LATS2: variants seen among roughly 807,000 people sequenced by gnomAD.
LATS2 encodes serine/threonine-protein kinase LATS2.
LATS2 carries 24 observed loss-of-function variants against 76.0 expected under a neutral mutation model. The observed-to-expected ratio is 0.32, with a 90% confidence interval of 0.23 to 0.44. The LOEUF is 0.44. Among genes scored for constraint, LATS2 ranks in the 20% least tolerant of loss-of-function variants. The probability of loss-of-function intolerance (pLI) is 1.00; values close to 1 mark genes in which losing one functional copy is unlikely to be tolerated. For synonymous variants in LATS2, 692 were observed against 635.4 expected, an observed-to-expected ratio of 1.09 and a Z score of -1.34; for missense variants, 1,286 against 1,481.2, an observed-to-expected ratio of 0.87 and a Z score of 2.16.
At position 20,974,676 on chromosome 13, in the gene LATS2, G is replaced by GA; in HGVS notation, c.*193dup. The GA allele has an allele frequency of 5.1e-6, 3 of 587,768 alleles. No individual in the cohort carries two copies. Among genetic ancestry groups the GA allele is most frequent in the Non-Finnish European group, 8.8e-6 (3 of 340,886 alleles). 36.4% of individuals were successfully genotyped at this position (587,768 alleles called of 1,614,324 possible). ...CAGTGAAGGTCCTGAAAAGCCTATT[G>GA]AAAGCGATGCTGAGTCCTGTTTTCA... On this transcript the variant is annotated 3_prime_UTR_variant, in exon 8 of 8. Transcript: ENST00000382592.
intron 2 of LATS2, among the ~76,000 whole-genome samples, chr13:20,998,690 G>A (rs150046964): frequency 0.023 from 3,544 of 152,348 alleles, 54 homozygotes; most frequent in East Asian, 0.064. Flanking sequence ...TCCCCTGAGC[G>A]CGGCGCTCCC....
At chr13:21,007,587 A>ATATAGT (rs1565951976) in intron 2 of LATS2, among the ~76,000 whole-genome samples, 4 of 7,748 alleles carry the variant, frequency 5.2e-4, no homozygotes, top group South Asian at 5.6e-3. Flanking sequence ...ATATATATAT[A>ATATAGT]GTATATATAT....
chr13:21,018,716 C>T (rs992132261), intron 2 of LATS2, among the ~76,000 whole-genome samples: 13 of 152,176 alleles, frequency 8.5e-5, no homozygotes, highest in Non-Finnish European at 1.8e-4. Flanking sequence ...TGCAGTGGCT[C>T]GATCACGGCT....
Position 21,057,941 on chromosome 13 carries a change from G to A in LATS2, c.-205+3405C>T, listed in dbSNP as rs1046079996. 2.6e-5 allele frequency among the ~76,000 whole-genome samples: 4 copies of A among 152,226 alleles called. No individual in the cohort carries two copies. In the East Asian group the frequency reaches 7.7e-4, roughly 29 times the overall value. On this transcript the variant is annotated intron_variant, in intron 1 of 7. Coordinates refer to ENST00000382592, the MANE Select transcript of LATS2 (RefSeq NM_014572.3). ...CTGGGGCCATCACAGGGCACTCTAT[G>A]TAATAAAGCCCATTACAGAGAGCAG...
At chr13:21,044,033 A>G (rs964309482) in intron 2 of LATS2, among the ~76,000 whole-genome samples, 2 of 152,226 alleles carry the variant, frequency 1.3e-5, no homozygotes, top group African/African-American at 4.8e-5. Flanking sequence ...ATTTAACTTC[A>G]TGCTTTCACA....
At chr13:21,024,032 G>A (rs946972614) in intron 2 of LATS2, among the ~76,000 whole-genome samples, 2 of 148,610 alleles carry the variant, frequency 1.3e-5, no homozygotes. Flanking sequence ...AGGCATCCTC[G>A]GGAAGGGCCC....
In LATS2 at chr13:20,975,057, G is replaced by A. The variant is rs376701545; in HGVS notation, c.3080C>T (p.Ser1027Leu). Residue 1027 changes from serine to leucine, a missense_variant, in exon 8 of 8, where the codon TCG becomes TTG. Ser to Leu is a moderately radical substitution (Grantham distance 145). This residue lies in a region of LATS2 where 210 missense variants were observed against 234.9 expected (regional missense o/e 0.89). Coordinates refer to ENST00000382592, the MANE Select transcript of LATS2 (RefSeq NM_014572.3). ...GTGCTCAGGATGCTTGTTATTGGGC[G>A]AGGTGAGTGTGTCCCAGGCCTTGGT... ...GSTKAWDTLT[S>L]PNNKHPEHAF... is the part of the protein sequence containing the mutation. The A allele has an allele frequency of 5.0e-6, 8 of 1,614,120 alleles. No homozygotes were observed. The highest frequency in any genetic ancestry group is 2.2e-5 in the East Asian group (1 of 44,898).
At chr13:20,980,137 T>C (rs1228693939) in intron 6 of LATS2, among the ~76,000 whole-genome samples, 2 of 152,176 alleles carry the variant, frequency 1.3e-5, no homozygotes, top group African/African-American at 2.4e-5. Flanking sequence ...ATAACAGAAC[T>C]GAAAAACATA....
chr13:21,019,811 T>C (rs895719924), intron 2 of LATS2, among the ~76,000 whole-genome samples: 3 of 150,380 alleles, frequency 2.0e-5, no homozygotes, highest in African/African-American at 7.3e-5. Flanking sequence ...CCATCTCTAC[T>C]AAAAATACAA....
intron 7 of LATS2, among the ~76,000 whole-genome samples, chr13:20,975,823 AC>A (rs1321735339): frequency 6.6e-6 from 1 of 152,084 alleles, no homozygotes; most frequent in East Asian, 1.9e-4. Context: ...AGCTGGGATT[AC>A]AGGCGCCTGC....
chr13:21,006,207 G>GA (rs34939626), intron 2 of LATS2, among the ~76,000 whole-genome samples: 20,251 of 143,352 alleles, frequency 0.14, 2,349 homozygotes, highest in East Asian at 0.45. Context: ...CATGTGTGAG[G>GA]AAAAAAAAAA....
intron 2 of LATS2, among the ~76,000 whole-genome samples, chr13:21,024,393 G>A (rs894610641): frequency 8.6e-5 from 13 of 152,008 alleles, no homozygotes; most frequent in African/African-American, 1.9e-4. Context: ...CCGAGATCGC[G>A]CCACTGTACC....
chr13:21,009,146 C>T (rs148716564), intron 2 of LATS2, among the ~76,000 whole-genome samples: 94 of 152,278 alleles, frequency 6.2e-4, no homozygotes, highest in African/African-American at 2.2e-3. Flanking sequence ...CGCTCAGTCA[C>T]GTGTGGTGAG....
intron 1 of LATS2, among the ~76,000 whole-genome samples, chr13:21,059,420 A>AC (rs1290604108): frequency 4.6e-5 from 7 of 151,420 alleles, no homozygotes; most frequent in Non-Finnish European, 1.0e-4. Flanking sequence ...ATACAGCGAA[A>AC]CCCCGTCTCT....
intron 7 of LATS2, among the ~76,000 whole-genome samples, chr13:20,977,990 A>T (rs1212505730): frequency 1.3e-5 from 2 of 151,906 alleles, no homozygotes; most frequent in Non-Finnish European, 2.9e-5. Context: ...ATCTCGGCTC[A>T]CTGCAACCTC....
At chr13:20,981,362 T>C (rs1316874802) in intron 6 of LATS2, 104 bp downstream of exon 6, 4 of 1,057,668 alleles carry the variant, frequency 3.8e-6, no homozygotes, top group African/African-American at 1.6e-5. Context: ...GACAAAAATA[T>C]GACTGGAAGC....
In LATS2 at chr13:20,988,767, A is replaced by G. The variant is rs1200501066; in HGVS notation, c.1013T>C (p.Phe338Ser). The change falls in exon 4 of 8, where the codon TTC (phenylalanine) becomes TCC (serine). Residue 338 changes from phenylalanine (F) to serine (S), a missense_variant. By Grantham distance (155) the Phe-to-Ser change is radical (BLOSUM62 -2). Coordinates refer to ENST00000382592, the MANE Select transcript of LATS2 (RefSeq NM_014572.3). ...LHVLGSRSQV[F>S]ASDSPPQSLL... ...GCTCTGCGGGGGGCTGTCGCTGGCG[A>G]ACACCTGGCTGCGGGAGCCCAGCAC... The G allele has an allele frequency of 1.9e-6, 3 of 1,584,484 alleles. No individual in the cohort carries two copies. Among genetic ancestry groups the G allele is most frequent in the Non-Finnish European group, 1.7e-6 (2 of 1,172,092 alleles).
In LATS2 at chr13:20,989,139, T is replaced by G. The variant is rs750461080; in HGVS notation, c.641A>C (p.Tyr214Ser). The G allele has an allele frequency of 6.2e-7, 1 of 1,610,948 alleles. No individual in the cohort carries two copies. Among genetic ancestry groups the G allele is most frequent in the Admixed American group, 1.7e-5 (1 of 59,908 alleles). Residue 214 changes from tyrosine to serine, a missense_variant, in exon 4 of 8, where the codon TAC (tyrosine) becomes TCC (serine). This residue lies in a region of LATS2 where 710 missense variants were observed against 660.9 expected (regional missense o/e 1.07). Transcript: ENST00000382592. ...LEEMPRPYVDYLFPGVGPHGP... is the reference protein window; with the variant it reads ...LEEMPRPYVDSLFPGVGPHGP... ...GTGGGGGCCGACTCCGGGGAAAAGGTAGTCCACGTACGGCCGCGGCATCTC... is the reference window on the plus strand; with the variant it reads ...GTGGGGGCCGACTCCGGGGAAAAGGGAGTCCACGTACGGCCGCGGCATCTC...
chr13:21,054,045 G>C (rs536476041), intron 1 of LATS2, among the ~76,000 whole-genome samples: 3 of 152,114 alleles, frequency 2.0e-5, no homozygotes, highest in Non-Finnish European at 2.9e-5. Context: ...ACTTAAGAAT[G>C]GTTAAAAGGA....
Sources: gnomAD v4.1 joint callset for allele counts (sites outside exome capture counted in the v4.1 genomes callset) on GRCh38, gnomAD v4.1.1 for gene constraint, gnomAD v4.1.1 regional missense constraint, MANE v1.5 for transcripts, NCBI Gene and HGNC (gene_info 2026-07-23, HGNC 2026-07-21) for gene names.